The following ALX3 variants were observed in gnomAD, a reference collection of about 807,000 sequenced individuals.
ALX3 encodes the protein homeobox protein aristaless-like 3.
In ALX3, 17 loss-of-function variants were observed where a neutral mutation model predicts 26.3. That is an observed-to-expected ratio of 0.65 (90% confidence interval 0.44 to 0.97). The LOEUF is 0.97. ALX3 is among the 50% of genes least tolerant of loss of function. The pLI is 0.00. For synonymous variants in ALX3, 208 were observed against 201.4 expected (o/e 1.03, Z -0.28); for missense variants, 461 against 466.5 (o/e 0.99, Z 0.11).
chr1:110,060,572 A>T lies in ALX3; in HGVS notation c.*161T>A. The T allele has an allele frequency of 2.0e-6, 1 of 500,520 alleles. No homozygotes were observed. Among genetic ancestry groups the T allele is most frequent in the Non-Finnish European group, 3.2e-6 (1 of 314,908 alleles). The allele number at this position is 500,520 out of a possible 1,614,324, so 31.0% of individuals were successfully genotyped here. ...CTCCTAGGCAGCCCCACCTTGTTCT[A>T]AGAGAAAAGACCCTGTAACGTGTTC... On this transcript the variant is annotated 3_prime_UTR_variant, in exon 4 of 4. Coordinates refer to ENST00000647563, the MANE Select transcript of ALX3 (RefSeq NM_006492.3).
chr1:110,068,445 C>T (rs1009313469), intron 1 of ALX3, among the ~76,000 whole-genome samples: 2 of 152,348 alleles, frequency 1.3e-5, no homozygotes, highest in Middle Eastern at 3.4e-3. Flanking sequence ...GGCAAGAGCG[C>T]CAGAGGCTAG....
intron 2 of ALX3, among the ~76,000 whole-genome samples, chr1:110,063,097 A>C (rs1653693845): frequency 6.6e-6 from 1 of 152,120 alleles, no homozygotes; most frequent in Admixed American, 6.5e-5. Context: ...TCCATCCTTC[A>C]GGAAGCTTCT....
chr1:110,069,323 G>C (rs886586955), intron 1 of ALX3, among the ~76,000 whole-genome samples: 4 of 152,268 alleles, frequency 2.6e-5, no homozygotes, highest in African/African-American at 9.6e-5. Flanking sequence ...GGCGCCAGCC[G>C]GGCGGCGGCA....
rs1021734981 is a variant in ALX3, at chr1:110,064,802, G to C, written c.379C>G (p.Pro127Ala). ...GGAAGATGCAGGCTGGCCAGGCAGG[G>C]GCCTGGGGAGCCTTGCAAGTTAGAG... ...GPSNLQGSPG[P>A]CLASLHLPLS... Residue 127 changes from proline to alanine, a missense_variant, in exon 2 of 4, where the codon CCC (proline) becomes GCC (alanine). Physicochemically the swap from Pro to Ala is conservative, Grantham distance 27 (BLOSUM62 -1). Transcript: ENST00000647563. The C allele has an allele frequency of 1.2e-6, 2 of 1,613,978 alleles. No homozygotes were observed. The highest frequency in any genetic ancestry group is 1.7e-6 in the Non-Finnish European group (2 of 1,179,998).
At chr1:110,067,906 C>T (rs1419361569) in intron 1 of ALX3, among the ~76,000 whole-genome samples, 1 of 152,266 alleles carries the variant, frequency 6.6e-6, no homozygotes, top group Admixed American at 6.5e-5. Context: ...CTCTCCTCGA[C>T]TTTGGCGATC....
At chr1:110,064,073 G>A (rs375479161) in intron 2 of ALX3, among the ~76,000 whole-genome samples, 14 of 152,004 alleles carry the variant, frequency 9.2e-5, no homozygotes, top group Admixed American at 3.9e-4. Flanking sequence ...ACCCAAGGTC[G>A]GTGGCTCCTG....
At chr1:110,067,502 C>T (rs182624724) in intron 1 of ALX3, among the ~76,000 whole-genome samples, 154 of 152,330 alleles carry the variant, frequency 1.0e-3, no homozygotes, top group Non-Finnish European at 1.6e-3. Context: ...GCTCTCAGGC[C>T]TGCCGTACCC....
At chr1:110,064,490 A>T in intron 2 of ALX3, 97 bp downstream of exon 2, 1 of 1,426,422 alleles carries the variant, frequency 7.0e-7, no homozygotes, top group Non-Finnish European at 9.7e-7. Context: ...TAGCTCTGGG[A>T]GGCACCAGTG....
At chr1:110,061,159 G>A (rs1315353246) in intron 3 of ALX3, 118 bp from the exon 4 acceptor site, 3 of 1,231,560 alleles carry the variant, frequency 2.4e-6, no homozygotes, top group Non-Finnish European at 3.5e-6. Flanking sequence ...CCTCCACTTG[G>A]CTCAGATCTA....
intron 3 of ALX3, 192 bp from the exon 4 acceptor site, chr1:110,061,233 G>A (rs1231505113): frequency 8.2e-6 from 9 of 1,096,856 alleles, no homozygotes; most frequent in African/African-American, 1.6e-5. Context: ...TTCTCAAAAC[G>A]AAATTTTCTT....
At chr1:110,062,834 C>T (rs1258404205) in intron 2 of ALX3, among the ~76,000 whole-genome samples, 2 of 152,154 alleles carry the variant, frequency 1.3e-5, no homozygotes, top group African/African-American at 4.8e-5. Flanking sequence ...TGCCCAGCTG[C>T]CTGGATTTCC....
At chr1:110,061,638 T>G (rs1201908755) in intron 2 of ALX3, 75 bp from the exon 3 acceptor site, 1 of 1,594,080 alleles carries the variant, frequency 6.3e-7, no homozygotes, top group East Asian at 2.2e-5. Context: ...GGAGAGCTGA[T>G]GGTTGTGTCC....
At chr1:110,064,980 G>A in intron 1 of ALX3, 77 bp from the exon 2 acceptor site, 2 of 1,357,758 alleles carry the variant, frequency 1.5e-6, no homozygotes, top group Non-Finnish European at 2.0e-6. Context: ...GGAGGGGGAA[G>A]AACATTGACG....
Position 110,064,845 on chromosome 1 carries a change from C to A in ALX3, c.336G>T (p.Gly112=). 1 of 1,613,206 alleles carries A rather than the reference C, an allele frequency of 6.2e-7. No homozygotes were observed. The highest frequency in any genetic ancestry group is 1.3e-5 in the African/African-American group (1 of 74,918). Residue 112 remains glycine (G), a synonymous_variant, in exon 2 of 4, where the codon GGG becomes GGT. Transcript: ENST00000647563. The part of the protein sequence containing the change: ...SFPQLPLDCR[G]GPRDGPSNLQ... Reference sequence around the variant, plus strand: ...AGTTAGAGGGCCCGTCTCTGGGGCCCCCTCGGCAGTCCAAGGGCAGCTGGG... The same window carrying A: ...AGTTAGAGGGCCCGTCTCTGGGGCCACCTCGGCAGTCCAAGGGCAGCTGGG...
chr1:110,065,010 C>T lies in ALX3; in HGVS notation c.278-107G>A, dbSNP rs1653749617. On this transcript the variant is annotated intron_variant, in intron 1 of 3. Transcript: ENST00000647563. Reference sequence around the variant, plus strand: ...TTGACGCCTCAGTCTCCGCCTCCCCCTTCCTTTCCCTTCCCTTCCTCCTGG... The same window carrying T: ...TTGACGCCTCAGTCTCCGCCTCCCCTTTCCTTTCCCTTCCCTTCCTCCTGG... 6 of 1,138,584 alleles carry T rather than the reference C, an allele frequency of 5.3e-6. No individual in the cohort carries two copies. The South Asian group carries it at 8.2e-5, about 16-fold the overall frequency. 70.5% of individuals were successfully genotyped at this position (1,138,584 alleles called of 1,614,324 possible).
Position 110,060,605 on chromosome 1 carries a change from G to C in ALX3, c.*128C>G. ...AGACCCTGTAACGTGTTCCCTGCTG[G>C]GGGCTGACAGTGCCAGCTGCTCTCG... On this transcript the variant is annotated 3_prime_UTR_variant, in exon 4 of 4. Transcript: ENST00000647563. 1 of 825,322 alleles carries C rather than the reference G, an allele frequency of 1.2e-6. No individual in the cohort carries two copies. Among genetic ancestry groups the C allele is most frequent in the Non-Finnish European group, 1.8e-6 (1 of 545,716 alleles). The allele number at this position is 825,322 out of a possible 1,614,324, so 51.1% of individuals were successfully genotyped here.
chr1:110,060,601 G>A lies in ALX3; in HGVS notation c.*132C>T, dbSNP rs1653608206. 6 of 733,370 alleles carry A rather than the reference G, an allele frequency of 8.2e-6. No individual in the cohort carries two copies. In the South Asian group the frequency reaches 1.2e-4, roughly 15 times the overall value. The allele number at this position is 733,370 out of a possible 1,614,324, so 45.4% of individuals were successfully genotyped here. On this transcript the variant is annotated 3_prime_UTR_variant, in exon 4 of 4. Coordinates refer to ENST00000647563, the MANE Select transcript of ALX3 (RefSeq NM_006492.3). ...GAAAAGACCCTGTAACGTGTTCCCTGCTGGGGGCTGACAGTGCCAGCTGCT... is the reference window on the plus strand; with the variant it reads ...GAAAAGACCCTGTAACGTGTTCCCTACTGGGGGCTGACAGTGCCAGCTGCT...
At chr1:110,062,645 G>GTGTGTGCGCGCGCGCGCGCGCGC (rs57279963) in intron 2 of ALX3, 1 of 132,300 alleles carries the variant, frequency 7.6e-6, no homozygotes, top group African/African-American at 2.8e-5. Context: ...GTGTGTGTGT[G>GTGTGTGCGCGCGCGCGCGCGCGC]GAGTAATCCG....
chr1:110,066,476 C>CA (rs901690242), intron 1 of ALX3, among the ~76,000 whole-genome samples: 1 of 151,392 alleles, frequency 6.6e-6, no homozygotes, highest in African/African-American at 2.4e-5. Flanking sequence ...GGTTTAGAGG[C>CA]AGTTCCATTT....
Sources: gnomAD v4.1 joint callset for allele counts (sites outside exome capture counted in the v4.1 genomes callset) on GRCh38, gnomAD v4.1.1 for gene constraint, MANE v1.5 for transcripts, NCBI Gene and HGNC (gene_info 2026-07-23, HGNC 2026-07-21) for gene names.